Variants in PPWD1 observed in about 807,000 individuals in gnomAD.
PPWD1 encodes the protein peptidylprolyl isomerase domain and WD repeat containing 1.
A neutral mutation model predicts 68.8 loss-of-function variants in PPWD1; 43 were observed. The ratio of observed to expected loss-of-function variants is 0.62; its 90% CI spans 0.49 to 0.81. The LOEUF (loss-of-function observed/expected upper bound fraction) is 0.81. Ranked by LOEUF, PPWD1 falls within the 30% of genes least tolerant of loss-of-function variation. The pLI is 0.00. For synonymous variants in PPWD1, 232 were observed against 258.7 expected (o/e 0.90, Z 0.99); for missense variants, 672 against 804.8 (o/e 0.83, Z 2.00).
At chr5:65,583,902 T>C (rs1371863793) in intron 8 of PPWD1, among the ~76,000 whole-genome samples, 2 of 152,162 alleles carry the variant, frequency 1.3e-5, no homozygotes, top group African/African-American at 4.8e-5. Context: ...CAGTTAGCTA[T>C]GGTCAAACCA....
At chr5:65,574,741 G>A (rs1489593962) in intron 5 of PPWD1, among the ~76,000 whole-genome samples, 1 of 152,156 alleles carries the variant, frequency 6.6e-6, no homozygotes, top group Non-Finnish European at 1.5e-5. Flanking sequence ...GGGATTACAG[G>A]CGTGAGCCAC....
intron 1 of PPWD1, among the ~76,000 whole-genome samples, chr5:65,565,807 C>CAAAA (rs35080676): frequency 9.7e-6 from 1 of 103,374 alleles, no homozygotes; most frequent in African/African-American, 3.7e-5. Flanking sequence ...GACTCCGTCT[C>CAAAA]AAAAAAAAAA....
In PPWD1 at chr5:65,583,204, A is replaced by G; in HGVS notation, c.1517A>G (p.Lys506Arg). ...ACCAGCATGGGAGACATTCACACCA[A>G]ACTTTTTCCTGTTGAGTATGTATAA... ...IHTSMGDIHT[K>R]LFPVECPKTV... is the part of the protein sequence containing the mutation. Residue 506 changes from lysine (K) to arginine (R), a missense_variant, in exon 8 of 11, where the codon AAA becomes AGA. Lys to Arg is a conservative substitution (Grantham distance 26). Coordinates refer to ENST00000261308, the MANE Select transcript of PPWD1 (RefSeq NM_015342.4). The G allele has an allele frequency of 6.3e-7, 1 of 1,588,184 alleles. No homozygotes were observed. Among genetic ancestry groups the G allele is most frequent in the Non-Finnish European group, 8.6e-7 (1 of 1,169,502 alleles).
At position 65,579,448 on chromosome 5, in the gene PPWD1, A is replaced by G. The variant is rs1753495741; in HGVS notation, c.1185A>G (p.Gln395=). Reference sequence around the variant, plus strand: ...GGTGTGTGCGGATTTTAGGCAAACAAGAAAATATTAGAGTGATGCAATTGG... The same window carrying G: ...GGTGTGTGCGGATTTTAGGCAAACAGGAAAATATTAGAGTGATGCAATTGG... The part of the protein sequence containing the change: ...TNRCVRILGK[Q]ENIRVMQLAL... The change falls in exon 7 of 11, where the codon CAA becomes CAG. Residue 395 remains glutamine (Q), a synonymous_variant. Transcript: ENST00000261308. 2 of 1,568,092 alleles carry G rather than the reference A, an allele frequency of 1.3e-6. No homozygotes were observed. The highest frequency in any genetic ancestry group is 1.4e-5 in the African/African-American group (1 of 72,114).
chr5:65,584,961 C>A, intron 8 of PPWD1, 53 bp from the exon 9 acceptor site: 1 of 1,563,072 alleles, frequency 6.4e-7, no homozygotes. Flanking sequence ...GCAAAGAAAA[C>A]TGTTTTAAGA....
chr5:65,583,332 G>A, intron 8 of PPWD1, 113 bp downstream of exon 8: 1 of 1,194,636 alleles, frequency 8.4e-7, no homozygotes. Flanking sequence ...GAATTTTGAA[G>A]AAACGTTTGA....
At position 65,576,874 on chromosome 5, in the gene PPWD1, C is replaced by G; in HGVS notation, c.970-5C>G. On this transcript the variant is annotated splice_polypyrimidine_tract_variant and splice_region_variant and intron_variant, in intron 5 of 10. Transcript: ENST00000261308. ...GTTTTTGTTACTAAATGGTTTATTT[C>G]CTAGATGTTTACTGAACTGCAACAG... is the stretch of plus-strand genomic sequence containing the variant. The G allele has an allele frequency of 6.2e-7, 1 of 1,612,946 alleles. No individual in the cohort carries two copies. Among genetic ancestry groups the G allele is most frequent in the Non-Finnish European group, 8.5e-7 (1 of 1,179,330 alleles).
At chr5:65,568,914 C>G (rs759461465) in intron 2 of PPWD1, 16 of 454,848 alleles carry the variant, frequency 3.5e-5, no homozygotes, top group South Asian at 2.5e-4. Flanking sequence ...TTTTTTAACC[C>G]AAGACAATGG....
In PPWD1 at chr5:65,567,503, T is replaced by G; in HGVS notation, c.197-10T>G. 6.3e-7 allele frequency: 1 copy of G among 1,592,772 alleles called. No individual in the cohort carries two copies. Among genetic ancestry groups the G allele is most frequent in the South Asian group, 1.1e-5 (1 of 87,510 alleles). ...AAAATAGATCTTATACTTTACTTTT[T>G]TTTCTTCAGTCTTAGAGTTTGAAAG... is the stretch of plus-strand genomic sequence containing the variant. On this transcript the variant is annotated splice_polypyrimidine_tract_variant and intron_variant, in intron 1 of 10. Coordinates refer to ENST00000261308, the MANE Select transcript of PPWD1 (RefSeq NM_015342.4).
intron 2 of PPWD1, chr5:65,569,428 T>C (rs1752916323): frequency 2.5e-6 from 1 of 403,878 alleles, no homozygotes; most frequent in Admixed American, 4.4e-5. Flanking sequence ...TTAAAATTAG[T>C]ACAGCTGTAA....
intron 1 of PPWD1, chr5:65,563,989 T>C: frequency 2.7e-6 from 2 of 735,110 alleles, no homozygotes; most frequent in South Asian, 3.7e-5. Context: ...ACTAATAAAT[T>C]TTCGCATCTA....
Position 65,583,197 on chromosome 5 carries a change from C to G in PPWD1, c.1510C>G (p.His504Asp), listed in dbSNP as rs771881954. ...AIIHTSMGDI[H>D]TKLFPVECPK... ...TATCCACACCAGCATGGGAGACATT[C>G]ACACCAAACTTTTTCCTGTTGAGTA... is the stretch of plus-strand genomic sequence containing the variant. The change falls in exon 8 of 11, where the codon CAC (histidine) becomes GAC (aspartate). Residue 504 changes from histidine (H) to aspartate (D), a missense_variant. By Grantham distance (81) the His-to-Asp change is moderately conservative (BLOSUM62 -1). Around this residue, in one of 2 missense-constraint regions of PPWD1, gnomAD observed 484 missense variants for 646.2 expected, o/e 0.75. Coordinates refer to ENST00000261308, the MANE Select transcript of PPWD1 (RefSeq NM_015342.4). The G allele has an allele frequency of 5.0e-6, 8 of 1,592,262 alleles. No individual in the cohort carries two copies. The highest frequency in any genetic ancestry group is 1.2e-5 in the South Asian group (1 of 86,726).
chr5:65,565,785 G>GC (rs1156261424), intron 1 of PPWD1, among the ~76,000 whole-genome samples: 2 of 139,824 alleles, frequency 1.4e-5, no homozygotes, highest in Non-Finnish European at 3.0e-5. Context: ...TTCAGCATGG[G>GC]CAACAGAGCA....
intron 5 of PPWD1, among the ~76,000 whole-genome samples, chr5:65,573,483 T>A (rs1315890687): frequency 9.7e-5 from 6 of 61,788 alleles, no homozygotes; most frequent in Non-Finnish European, 1.7e-4. Context: ...ATATTTTTTT[T>A]TTATTAGAGA....
At chr5:65,575,394 C>A (rs192430241) in intron 5 of PPWD1, among the ~76,000 whole-genome samples, 2 of 152,204 alleles carry the variant, frequency 1.3e-5, no homozygotes, top group Non-Finnish European at 1.5e-5. Context: ...ACAAGAAAAC[C>A]TAACAACTAG....
chr5:65,563,458 TG>T lies in PPWD1; in HGVS notation c.151del (p.Val51LeufsTer17), dbSNP rs1336447850. On this transcript the variant is annotated frameshift_variant, in exon 1 of 11. Coordinates refer to ENST00000261308, the MANE Select transcript of PPWD1 (RefSeq NM_015342.4). LOFTEE classifies it high-confidence loss of function. ...QENDEENEER[W>X]VGPLPVEATL... Reference sequence around the variant, plus strand: ...GAACGATGAGGAGAACGAAGAGCGCTGGGTTGGACCTTTACCTGTGGAGGCA... The same window carrying T: ...GAACGATGAGGAGAACGAAGAGCGCTGGTTGGACCTTTACCTGTGGAGGCA... The T allele has an allele frequency of 1.9e-6, 3 of 1,614,006 alleles. No individual in the cohort carries two copies. Among genetic ancestry groups the T allele is most frequent in the Admixed American group, 1.7e-5 (1 of 60,000 alleles).
chr5:65,582,924 C>G, intron 7 of PPWD1, 114 bp from the exon 8 acceptor site: 1 of 1,314,176 alleles, frequency 7.6e-7, no homozygotes, highest in Non-Finnish European at 1.0e-6. Context: ...AATAAGGATT[C>G]TGATGTGAAT....
rs781472974 is a variant in PPWD1 at position 65,576,370 on chromosome 5, A to G, written c.970-509A>G. On this transcript the variant is annotated intron_variant, in intron 5 of 10. Transcript: ENST00000261308. ...GAAGAACCAGTTACCATTTTGAAAT[A>G]CAATTTTTTTTTTTTTTTTTTTTTG... The G allele has an allele frequency of 4.7e-4, 454 of 968,146 alleles. 1 individual carries two copies. The highest frequency in any genetic ancestry group is 5.4e-4 in the Non-Finnish European group (441 of 815,386). 60.0% of individuals were successfully genotyped at this position (968,146 alleles called of 1,614,324 possible). A position where few individuals can be genotyped will look rare whatever the true frequency, so the allele number is the denominator to read the frequency against.
At chr5:65,580,252 GA>G (rs1424620435) in intron 7 of PPWD1, among the ~76,000 whole-genome samples, 3 of 152,154 alleles carry the variant, frequency 2.0e-5, no homozygotes, top group Non-Finnish European at 4.4e-5. Context: ...TGGAATCAGA[GA>G]ACTTTTTAAG....
Sources: gnomAD v4.1 joint callset for allele counts (sites outside exome capture counted in the v4.1 genomes callset) on GRCh38, gnomAD v4.1.1 for gene constraint, gnomAD v4.1.1 regional missense constraint, MANE v1.5 for transcripts, NCBI Gene and HGNC (gene_info 2026-07-23, HGNC 2026-07-21) for gene names.